CDKL3: variants seen among roughly 807,000 people sequenced by gnomAD.
CDKL3 encodes the protein cyclin-dependent kinase-like 3.
In CDKL3, 65 loss-of-function variants were observed where a neutral mutation model predicts 69.3. That is an observed-to-expected ratio of 0.94 (90% CI 0.77 to 1.15). CDKL3 has a LOEUF of 1.15. Ranked by LOEUF, CDKL3 falls within the 50% of genes most tolerant of loss-of-function variation. The pLI, the probability that CDKL3 is intolerant of heterozygous loss-of-function variation, is 0.00. For synonymous variants in CDKL3, 202 were observed against 221.6 expected, an observed-to-expected ratio of 0.91 and a Z score of 0.79; for missense variants, 652 against 689.2, an observed-to-expected ratio of 0.95 and a Z score of 0.61.
intron 9 of CDKL3, 184 bp downstream of exon 9, chr5:134,307,954 A>G: frequency 1.1e-6 from 1 of 931,992 alleles, no homozygotes; most frequent in Non-Finnish European, 1.5e-6. Flanking sequence ...TATATGGCCA[A>G]GAAAAGTTAA....
upstream of CDKL3, chr5:134,367,368 C>CT (rs57811547): frequency 7.7e-3 from 5,943 of 776,468 alleles, 126 homozygotes; most frequent in African/African-American, 0.08. Flanking sequence ...GGATCTGCAT[C>CT]TTTTTTTTTT....
upstream of CDKL3, among the ~76,000 whole-genome samples, chr5:134,368,453 C>G (rs1330143620): frequency 3.3e-5 from 5 of 151,804 alleles, no homozygotes; most frequent in Non-Finnish European, 5.9e-5. Context: ...CCCATTTCTA[C>G]TAAAAAATAG....
chr5:134,319,005 A>C (rs1245186079), intron 6 of CDKL3: 1 of 156,890 alleles, frequency 6.4e-6, no homozygotes, highest in African/African-American at 2.4e-5. Context: ...AATTTCTCAG[A>C]TATAAATTCT....
chr5:134,371,617 A>G, upstream of CDKL3: 1 of 1,611,300 alleles, frequency 6.2e-7, no homozygotes, highest in Non-Finnish European at 8.5e-7. Flanking sequence ...GGCCCGGAGG[A>G]GGCTCATGCG....
chr5:134,367,170 C>T lies in CDKL3; in HGVS notation c.-215G>A. Reference sequence around the variant, plus strand: ...GAAACGCCGGCGGAGTTGCTGCGTTCTAGACTCGTGCGCAAGACCGGAACA... The same window carrying T: ...GAAACGCCGGCGGAGTTGCTGCGTTTTAGACTCGTGCGCAAGACCGGAACA... On this transcript the variant is annotated 5_prime_UTR_variant, in exon 1 of 13. Transcript: ENST00000265334. 3 of 985,840 alleles carry T rather than the reference C, an allele frequency of 3.0e-6. No individual in the cohort carries two copies. Among genetic ancestry groups the T allele is most frequent in the Non-Finnish European group, 2.4e-6 (2 of 830,282 alleles). The allele number at this position is 985,840 out of a possible 1,614,324, so 61.1% of individuals were successfully genotyped here.
In CDKL3 at chr5:134,321,888, C is replaced by T; in HGVS notation, c.555G>A (p.Trp185Ter). Reference protein sequence around the residue: ...DTSYGKPVDIWALGCMIIEMA... With the variant: ...DTSYGKPVDI ...TCTCAATGATCATACAGCCCAAAGC[C>T]CAGATATCCACAGGTCTGAAACAGA... The change falls in exon 5 of 13, where the codon TGG (tryptophan) becomes TGA (stop). Residue 185 changes from tryptophan (W) to a stop codon, truncating the protein, a stop_gained. Coordinates refer to ENST00000265334, the MANE Select transcript of CDKL3 (RefSeq NM_001113575.2). LOFTEE classifies it high-confidence loss of function. 6.2e-7 allele frequency: 1 copy of T among 1,603,702 alleles called. No individual in the cohort carries two copies. Among genetic ancestry groups the T allele is most frequent in the African/African-American group, 1.3e-5 (1 of 74,750 alleles).
chr5:134,349,529 A>C (rs974646961), intron 4 of CDKL3, among the ~76,000 whole-genome samples: 2 of 152,182 alleles, frequency 1.3e-5, no homozygotes, highest in African/African-American at 4.8e-5. Context: ...TTTTCCAGGA[A>C]ATGGGAAACT....
rs1771597617 is a variant in CDKL3, at chr5:134,317,902, T to C, written c.792+1456A>G. ...TGACCTGGGTGAAAGAGTGAGACCCTGTTTACAAAAACAAAACAGAACAAA... is the reference window on the plus strand; with the variant it reads ...TGACCTGGGTGAAAGAGTGAGACCCCGTTTACAAAAACAAAACAGAACAAA... On this transcript the variant is annotated intron_variant, in intron 6 of 12. Coordinates refer to ENST00000265334, the MANE Select transcript of CDKL3 (RefSeq NM_001113575.2). 1.3e-5 allele frequency among the ~76,000 whole-genome samples: 2 copies of C among 152,088 alleles called. 1 individual carries two copies. The highest frequency in any genetic ancestry group is 4.8e-5 in the African/African-American group (2 of 41,410).
At chr5:134,371,477 C>A (rs1758400219), upstream of CDKL3, 1 of 1,160,852 alleles carries the variant, frequency 8.6e-7, no homozygotes, top group Non-Finnish European at 1.2e-6. Context: ...TCAGTCTCGG[C>A]GGCGGCGGCG....
At chr5:134,367,350 G>T, upstream of CDKL3, 1 of 949,746 alleles carries the variant, frequency 1.1e-6, no homozygotes, top group Non-Finnish European at 1.3e-6. Context: ...TTTGAATGTG[G>T]ATAGGAAGGA....
chr5:134,295,693 A>C (rs1311542688), downstream of CDKL3, among the ~76,000 whole-genome samples: 1 of 152,196 alleles, frequency 6.6e-6, no homozygotes, highest in Non-Finnish European at 1.5e-5. Context: ...TTTGTTTTTC[A>C]TGTTTCTTTA....
At chr5:134,363,611 C>T (rs1410268293) in intron 2 of CDKL3, among the ~76,000 whole-genome samples, 2 of 152,064 alleles carry the variant, frequency 1.3e-5, no homozygotes, top group Admixed American at 6.6e-5. Flanking sequence ...CAGGCACACA[C>T]TGCCATGCCT....
At chr5:134,371,364 C>G (rs1758384448), upstream of CDKL3, 3 of 632,140 alleles carry the variant, frequency 4.7e-6, no homozygotes, top group South Asian at 5.8e-5. Flanking sequence ...AAGGCGCGCT[C>G]CCGCGTCCCG....
intron 9 of CDKL3, 118 bp downstream of exon 9, chr5:134,308,020 A>C: frequency 7.0e-7 from 1 of 1,424,614 alleles, no homozygotes; most frequent in Non-Finnish European, 9.2e-7. Flanking sequence ...ATACAGCTTT[A>C]ATTTCAATAT....
intron 4 of CDKL3, among the ~76,000 whole-genome samples, chr5:134,343,079 C>A (rs1256910180): frequency 5.3e-5 from 8 of 151,908 alleles, no homozygotes; most frequent in Admixed American, 5.2e-4. Flanking sequence ...GTGGTGCACC[C>A]CTGTAGTCCC....
chr5:134,303,748 G>A (rs1766994024), intron 11 of CDKL3, among the ~76,000 whole-genome samples: 1 of 151,894 alleles, frequency 6.6e-6, no homozygotes, highest in Non-Finnish European at 1.5e-5. Context: ...TACTCAGGAG[G>A]CTAGGCACGA....
intron 6 of CDKL3, among the ~76,000 whole-genome samples, chr5:134,315,765 T>C (rs112138934): frequency 0.015 from 2,225 of 152,244 alleles, 41 homozygotes; most frequent in African/African-American, 0.049. Context: ...GGCGGGAGGA[T>C]TGGTCGAGCT....
chr5:134,371,099 T>G, upstream of CDKL3: 3 of 218,280 alleles, frequency 1.4e-5, no homozygotes, highest in Non-Finnish European at 1.9e-5. Flanking sequence ...CACTCAGGGG[T>G]GGATTGTTGA....
chr5:134,317,284 C>T (rs921988502), intron 6 of CDKL3, among the ~76,000 whole-genome samples: 14 of 151,926 alleles, frequency 9.2e-5, no homozygotes, highest in South Asian at 2.1e-4. Flanking sequence ...TACAGGTGCA[C>T]GCCACCACGC....
Sources: gnomAD v4.1 joint callset for allele counts (sites outside exome capture counted in the v4.1 genomes callset) on GRCh38, gnomAD v4.1.1 for gene constraint, MANE v1.5 for transcripts, NCBI Gene and HGNC (gene_info 2026-07-23, HGNC 2026-07-21) for gene names.